Variants in PSG4 observed in about 807,000 individuals in gnomAD.
PSG4 encodes the protein pregnancy-specific beta-1-glycoprotein 4.
In PSG4, 61 loss-of-function variants were observed where a neutral mutation model predicts 44.3. That is an observed-to-expected ratio of 1.38 (90% confidence interval 1.12 to 1.70). The LOEUF (loss-of-function observed/expected upper bound fraction) is 1.70, where lower values mean the gene tolerates loss of function less well. Among genes scored for constraint, PSG4 ranks in the 40% most tolerant of loss-of-function variants. The pLI is 0.00. For missense variants in PSG4, 677 were observed against 511.7 expected (o/e 1.32, Z -3.12); for synonymous variants, 248 against 191.3 (o/e 1.30, Z -2.45).
intron 1 of PSG4, among the ~76,000 whole-genome samples, chr19:43,205,132 G>T (rs1387616176): frequency 8.2e-5 from 2 of 24,506 alleles, no homozygotes; most frequent in African/African-American, 2.1e-4. Flanking sequence ...TTTTGAGACG[G>T]AGTCTCGTCC....
chr19:43,202,935 A>T (rs890758222), intron 2 of PSG4, among the ~76,000 whole-genome samples: 2 of 143,994 alleles, frequency 1.4e-5, no homozygotes, highest in Non-Finnish European at 1.5e-5. Context: ...TGTGACCCCG[A>T]TCTCCCCTTT....
chr19:43,198,723 C>T (rs970462259), intron 2 of PSG4: 1 of 178,112 alleles, frequency 5.6e-6, no homozygotes, highest in African/African-American at 2.5e-5. Context: ...GATGATGGAA[C>T]TTCCCATTGT....
At chr19:43,194,256 T>G in intron 5 of PSG4, 84 bp downstream of exon 5, 1 of 1,606,220 alleles carries the variant, frequency 6.2e-7, no homozygotes, top group Admixed American at 1.7e-5. Context: ...AGGCTGGGAA[T>G]AAAAATGTTT....
intron 5 of PSG4, chr19:43,193,636 G>T (rs961198517): frequency 1.6e-5 from 9 of 570,020 alleles, no homozygotes; most frequent in African/African-American, 1.3e-4. Flanking sequence ...AATTTTATTT[G>T]CTCTAAGTTT....
chr19:43,204,257 A>C lies in PSG4; in HGVS notation c.65-6T>G. The C allele has an allele frequency of 6.4e-7, 1 of 1,562,546 alleles. No individual in the cohort carries two copies. The highest frequency in any genetic ancestry group is 8.6e-7 in the Non-Finnish European group (1 of 1,159,150). ...CCAGAAGTTTAAAAGTGATGCTAGG[A>C]GGTACAGAGAGCATCAGTTAATATT... On this transcript the variant is annotated splice_polypyrimidine_tract_variant and splice_region_variant and intron_variant, in intron 1 of 5. Transcript: ENST00000405312.
intron 2 of PSG4, among the ~76,000 whole-genome samples, chr19:43,199,504 G>A (rs1413904066): frequency 6.9e-6 from 1 of 145,660 alleles, no homozygotes; most frequent in Non-Finnish European, 1.5e-5. Context: ...TGCAGTACAT[G>A]TACTGGTTTA....
rs756668303 is a variant in PSG4, at chr19:43,194,591, C to T, written c.992G>A (p.Gly331Asp). ...AGGGTAAATGCTGGGGAGGTCTGGA[C>T]CATCTGGCGCAAAGAGAATAAAGCC... The part of the protein sequence containing the change: ...SDPVTLNVLY[G>D]PDLPSIYPSF... Residue 331 changes from glycine to aspartate, a missense_variant, in exon 5 of 6, where the codon GGT (glycine) becomes GAT (aspartate). Transcript: ENST00000405312. 6.8e-6 allele frequency: 11 copies of T among 1,608,676 alleles called. 1 individual carries two copies. Among genetic ancestry groups the T allele is most frequent in the Non-Finnish European group, 8.5e-6 (10 of 1,177,018 alleles).
intron 5 of PSG4, chr19:43,193,740 G>T: frequency 3.7e-6 from 2 of 537,354 alleles, no homozygotes; most frequent in South Asian, 2.4e-5. Flanking sequence ...GTTCATATTG[G>T]TTCATTCTAT....
At chr19:43,203,394 G>C (rs1753322884) in intron 2 of PSG4, 2 of 154,396 alleles carry the variant, frequency 1.3e-5, no homozygotes, top group Non-Finnish European at 1.4e-5. Context: ...TCTGACAGCT[G>C]GTAAATTCTT....
chr19:43,200,457 C>G (rs1568387864), intron 2 of PSG4, among the ~76,000 whole-genome samples: 1 of 145,244 alleles, frequency 6.9e-6, no homozygotes, highest in African/African-American at 2.6e-5. Context: ...TTTCCCCACC[C>G]TTTTTGAACT....
Position 43,194,502 on chromosome 19 carries a change from G to T in PSG4, c.1081C>A (p.Arg361=). 6.2e-7 allele frequency: 1 copy of T among 1,612,548 alleles called. No homozygotes were observed. The highest frequency in any genetic ancestry group is 8.5e-7 in the Non-Finnish European group (1 of 1,179,140). The change falls in exon 5 of 6, where the codon CGG becomes AGG. Residue 361 remains arginine, a synonymous_variant. Transcript: ENST00000405312. ...TTAATTGTCCAAGAATATTGTGCCC[G>T]TGGGTTAGACTCGGCGAAGCAGGAC... The part of the protein sequence containing the change: ...YLSCFAESNP[R]AQYSWTINGK...
Position 43,195,048 on chromosome 19 carries a change from A to C in PSG4, c.935T>G (p.Ile312Arg), listed in dbSNP as rs1453619554. ...RNETGPYQCEIRDRYGGIRSD... is the reference protein window; with the variant it reads ...RNETGPYQCERRDRYGGIRSD... ...GCGGATGCCACCATATCGGTCCCGTATTTCACATTGATAAGGTCCTGTTTC... is the reference window on the plus strand; with the variant it reads ...GCGGATGCCACCATATCGGTCCCGTCTTTCACATTGATAAGGTCCTGTTTC... The change falls in exon 4 of 6, where the codon ATA becomes AGA. Residue 312 changes from isoleucine to arginine, a missense_variant. Ile to Arg is a moderately conservative substitution (Grantham distance 97). Coordinates refer to ENST00000405312, the MANE Select transcript of PSG4 (RefSeq NM_002780.5). 1 of 1,611,934 alleles carries C rather than the reference A, an allele frequency of 6.2e-7. No individual in the cohort carries two copies. The highest frequency in any genetic ancestry group is 8.5e-7 in the Non-Finnish European group (1 of 1,179,064).
chr19:43,193,274 G>C lies in PSG4; in HGVS notation c.*98C>G. On this transcript the variant is annotated 3_prime_UTR_variant, in exon 6 of 6. Transcript: ENST00000405312. ...AGGGTTTTCCCATGAAATTTACATC[G>C]AGTTGTCCACCTCCAGCTTATAGGG... The C allele has an allele frequency of 1.3e-6, 1 of 769,854 alleles. No individual in the cohort carries two copies. Among genetic ancestry groups the C allele is most frequent in the South Asian group, 1.3e-5 (1 of 74,572 alleles). The allele number at this position is 769,854 out of a possible 1,614,324, so 47.7% of individuals were successfully genotyped here. A position where few individuals can be genotyped will look rare whatever the true frequency, so the allele number is the denominator to read the frequency against.
At chr19:43,200,766 G>C (rs553007917) in intron 2 of PSG4, among the ~76,000 whole-genome samples, 1 of 145,200 alleles carries the variant, frequency 6.9e-6, no homozygotes, top group Non-Finnish European at 1.5e-5. Context: ...TAGTAGAGAC[G>C]GGGTTTCACC....
chr19:43,194,035 T>C (rs1264169554), intron 5 of PSG4: 5 of 1,061,606 alleles, frequency 4.7e-6, no homozygotes, highest in Non-Finnish European at 6.7e-6. Context: ...AAACAAACCA[T>C]TTAAAGAATC....
rs139975098 is a variant in PSG4, at chr19:43,204,655, A to G, written c.65-404T>C. 1.3e-3 allele frequency: 283 copies of G among 225,616 alleles called. 51 individuals carry two copies. In the East Asian group the frequency reaches 0.075, roughly 60 times the overall value. 14.0% of individuals were successfully genotyped at this position (225,616 alleles called of 1,614,324 possible). A position where few individuals can be genotyped will look rare whatever the true frequency, so the allele number is the denominator to read the frequency against. ...TCCTCCCTCCAGGGTTCTTGTCAACACCTGATCTCACATTCTAGATCACTT... is the reference window on the plus strand; with the variant it reads ...TCCTCCCTCCAGGGTTCTTGTCAACGCCTGATCTCACATTCTAGATCACTT... On this transcript the variant is annotated intron_variant, in intron 1 of 5. Coordinates refer to ENST00000405312, the MANE Select transcript of PSG4 (RefSeq NM_002780.5).
At chr19:43,197,407 A>C (rs896993382) in intron 3 of PSG4, among the ~76,000 whole-genome samples, 1 of 145,484 alleles carries the variant, frequency 6.9e-6, no homozygotes, top group Non-Finnish European at 1.5e-5. Flanking sequence ...GATGAAACAG[A>C]CCTAAACCCC....
At chr19:43,194,031 A>G in intron 5 of PSG4, 1 of 1,030,680 alleles carries the variant, frequency 9.7e-7, no homozygotes, top group Non-Finnish European at 1.4e-6. Context: ...TAGAAAACAA[A>G]CCATTTAAAG....
rs776305829 is a variant in PSG4 at position 43,194,825 on chromosome 19, G to A, written c.988+170C>T. On this transcript the variant is annotated intron_variant, in intron 4 of 5. Transcript: ENST00000405312. Reference sequence around the variant, plus strand: ...AGCGTCCCCTCCCCTTATATTCTTGGTTAAGGCTGTGCCTACCTAGGTTTT... The same window carrying A: ...AGCGTCCCCTCCCCTTATATTCTTGATTAAGGCTGTGCCTACCTAGGTTTT... The A allele has an allele frequency of 2.0e-4, 295 of 1,461,040 alleles. 8 individuals carry two copies. The highest frequency in any genetic ancestry group is 2.4e-4 in the Non-Finnish European group (263 of 1,095,838). The allele number at this position is 1,461,040 out of a possible 1,614,324, so 90.5% of individuals were successfully genotyped here.
Sources: gnomAD v4.1 joint callset for allele counts (sites outside exome capture counted in the v4.1 genomes callset) on GRCh38, gnomAD v4.1.1 for gene constraint, MANE v1.5 for transcripts, NCBI Gene and HGNC (gene_info 2026-07-23, HGNC 2026-07-21) for gene names.